The following YEATS2 variants were observed in gnomAD, a reference collection of about 807,000 sequenced individuals.
YEATS2 encodes the protein YEATS domain-containing protein 2.
A neutral mutation model predicts 163.2 loss-of-function variants in YEATS2; 77 were observed. That is an observed-to-expected ratio of 0.47 (90% confidence interval 0.39 to 0.57). YEATS2 has a LOEUF of 0.57. Among genes scored for constraint, YEATS2 ranks in the 20% least tolerant of loss-of-function variants. YEATS2 has a pLI of 0.00. For synonymous variants in YEATS2, 631 were observed against 645.1 expected (o/e 0.98, Z 0.33); for missense variants, 1,549 against 1,729.8 (o/e 0.90, Z 1.85).
intron 30 of YEATS2, chr3:183,810,222 T>G: frequency 4.9e-6 from 2 of 406,610 alleles, no homozygotes; most frequent in Non-Finnish European, 9.1e-6. Context: ...GCCATCCGCT[T>G]TGTTTTCTTT....
At chr3:183,790,358 C>T (rs938921299) in intron 20 of YEATS2, among the ~76,000 whole-genome samples, 1 of 152,018 alleles carries the variant, frequency 6.6e-6, no homozygotes, top group African/African-American at 2.4e-5. Context: ...ACCATTATGC[C>T]GGCCATGTAG....
chr3:183,734,371 T>C (rs1336249215), intron 7 of YEATS2, among the ~76,000 whole-genome samples: 1 of 152,188 alleles, frequency 6.6e-6, no homozygotes, highest in Admixed American at 6.5e-5. Flanking sequence ...GGCAAGTTAG[T>C]TGTTCAGCCT....
At chr3:183,702,472 T>C (rs1053587665) in intron 1 of YEATS2, among the ~76,000 whole-genome samples, 1 of 151,088 alleles carries the variant, frequency 6.6e-6, no homozygotes, top group Non-Finnish European at 1.5e-5. Context: ...ACCTTAAAAA[T>C]CTCAAACCCC....
intron 15 of YEATS2, among the ~76,000 whole-genome samples, chr3:183,766,374 CACTTA>C (rs765791005): frequency 6.6e-6 from 1 of 152,184 alleles, no homozygotes; most frequent in Non-Finnish European, 1.5e-5. Flanking sequence ...TATCAGTGAG[CACTTA>C]ACTTGTAAAC....
At chr3:183,710,172 A>G (rs1307311103) in intron 1 of YEATS2, among the ~76,000 whole-genome samples, 1 of 152,156 alleles carries the variant, frequency 6.6e-6, no homozygotes, top group East Asian at 1.9e-4. Context: ...ATTTCAGCTG[A>G]TTCAGAAGCT....
chr3:183,807,218 T>G, intron 28 of YEATS2, 126 bp downstream of exon 28: 1 of 844,068 alleles, frequency 1.2e-6, no homozygotes, highest in East Asian at 2.7e-5. Flanking sequence ...CCCAGACTCT[T>G]CTGGTGCCGT....
At chr3:183,796,798 A>G (rs1377992337) in intron 21 of YEATS2, among the ~76,000 whole-genome samples, 1 of 152,160 alleles carries the variant, frequency 6.6e-6, no homozygotes, top group East Asian at 1.9e-4. Context: ...CAAAATAAAT[A>G]AATTGTCATA....
rs367964889 is a variant in YEATS2 at position 183,722,003 on chromosome 3, C to T, written c.404C>T (p.Ala135Val). 6 of 1,613,996 alleles carry T rather than the reference C, an allele frequency of 3.7e-6. No homozygotes were observed. In the African/African-American group the frequency reaches 8.0e-5, roughly 22 times the overall value. The change falls in exon 5 of 31, where the codon GCC (alanine) becomes GTC (valine). Residue 135 changes from alanine to valine, a missense_variant. Ala to Val is a moderately conservative substitution (Grantham distance 64). Transcript: ENST00000305135. ...PANQRAETPS[A>V]NHSESDSLSQ... ...AATCAGAGAGCAGAAACACCATCAG[C>T]CAATCATTCAGAAAGTGATTCTTTA...
intron 21 of YEATS2, among the ~76,000 whole-genome samples, chr3:183,792,857 T>C (rs1007844262): frequency 6.6e-6 from 1 of 152,204 alleles, no homozygotes; most frequent in Non-Finnish European, 1.5e-5. Context: ...TTGACCTCCA[T>C]TGACAGCCTG....
chr3:183,723,776 G>C (rs1443241654), intron 5 of YEATS2, among the ~76,000 whole-genome samples: 1 of 152,126 alleles, frequency 6.6e-6, no homozygotes, highest in Non-Finnish European at 1.5e-5. Flanking sequence ...CCTGGGCTTA[G>C]TGGCGGGTAC....
intron 2 of YEATS2, among the ~76,000 whole-genome samples, 181 bp from the exon 3 acceptor site, chr3:183,717,470 C>T (rs560434132): frequency 2.6e-5 from 4 of 152,288 alleles, no homozygotes; most frequent in East Asian, 1.9e-4. Flanking sequence ...AGAAAGTACA[C>T]GAGATCACTT....
At chr3:183,702,410 A>C (rs915811204) in intron 1 of YEATS2, among the ~76,000 whole-genome samples, 1 of 152,036 alleles carries the variant, frequency 6.6e-6, no homozygotes, top group Non-Finnish European at 1.5e-5. Flanking sequence ...GTGCCATTGC[A>C]CTCCAGCCTG....
intron 2 of YEATS2, among the ~76,000 whole-genome samples, chr3:183,716,311 A>G (rs1168648318): frequency 1.3e-5 from 2 of 152,174 alleles, no homozygotes; most frequent in Non-Finnish European, 2.9e-5. Flanking sequence ...ATTAATGTTT[A>G]TTTAAATAAT....
intron 13 of YEATS2, 111 bp from the exon 14 acceptor site, chr3:183,761,396 A>G: frequency 1.3e-5 from 14 of 1,080,524 alleles, no homozygotes; most frequent in Non-Finnish European, 1.9e-5. Flanking sequence ...CAGTCTTTTT[A>G]TTTCTTTATA....
chr3:183,720,665 T>C (rs1481370766), intron 4 of YEATS2, among the ~76,000 whole-genome samples: 7 of 152,190 alleles, frequency 4.6e-5, no homozygotes, highest in African/African-American at 1.4e-4. Context: ...CAGATGCATG[T>C]TAGAATCGTA....
At chr3:183,809,799 T>A (rs1726612879) in intron 30 of YEATS2, among the ~76,000 whole-genome samples, 1 of 152,228 alleles carries the variant, frequency 6.6e-6, no homozygotes, top group African/African-American at 2.4e-5. Flanking sequence ...TTTTATTGCA[T>A]TATGCTAAAG....
At chr3:183,779,131 G>C (rs182636806) in intron 19 of YEATS2, among the ~76,000 whole-genome samples, 1 of 151,668 alleles carries the variant, frequency 6.6e-6, no homozygotes, top group Non-Finnish European at 1.5e-5. Flanking sequence ...GGCTGGTCTC[G>C]AACTCCTGAC....
intron 7 of YEATS2, among the ~76,000 whole-genome samples, chr3:183,732,729 T>A (rs923647558): frequency 1.3e-5 from 2 of 151,370 alleles, no homozygotes; most frequent in Non-Finnish European, 2.9e-5. Context: ...CCGGCTAACG[T>A]TTTTGTATTT....
At chr3:183,800,184 A>G (rs1321857482) in intron 23 of YEATS2, among the ~76,000 whole-genome samples, 1 of 152,152 alleles carries the variant, frequency 6.6e-6, no homozygotes, top group Non-Finnish European at 1.5e-5. Flanking sequence ...GGAATCTTAC[A>G]TAGCAGTGTG....
Sources: allele counts gnomAD v4.1 joint callset (sites outside exome capture counted in the v4.1 genomes callset), GRCh38; gene constraint gnomAD v4.1.1; transcripts MANE v1.5; gene names NCBI Gene and HGNC (gene_info 2026-07-23, HGNC 2026-07-21).